CPQ: variants seen among roughly 807,000 people sequenced by gnomAD.
CPQ encodes the protein Ser-Met dipeptidase.
In CPQ, 37 loss-of-function variants were observed where a neutral mutation model predicts 45.7. The observed-to-expected ratio is 0.81, with a 90% CI of 0.62 to 1.07. CPQ has a LOEUF of 1.07. Among genes scored for constraint, CPQ ranks in the 50% least tolerant of loss-of-function variants. CPQ has a pLI of 0.00. For synonymous variants in CPQ, 186 were observed against 205.8 expected, an observed-to-expected ratio of 0.90 and a Z score of 0.82; for missense variants, 537 against 572.9, an observed-to-expected ratio of 0.94 and a Z score of 0.64.
chr8:97,132,093 C>G (rs1381078174), intron 7 of CPQ, among the ~76,000 whole-genome samples: 1 of 152,122 alleles, frequency 6.6e-6, no homozygotes, highest in Non-Finnish European at 1.5e-5. Flanking sequence ...ATTAGTTAGT[C>G]AAGGCTTCTT....
chr8:97,000,957 C>T (rs1238961769), intron 5 of CPQ, among the ~76,000 whole-genome samples: 2 of 152,010 alleles, frequency 1.3e-5, no homozygotes, highest in African/African-American at 4.8e-5. Context: ...TCTTTCAGTT[C>T]CCTAGTTAGC....
At chr8:96,768,908 A>T (rs1372492308) in intron 1 of CPQ, among the ~76,000 whole-genome samples, 1 of 152,230 alleles carries the variant, frequency 6.6e-6, no homozygotes, top group African/African-American at 2.4e-5. Context: ...AGAACTTGTT[A>T]TTAACTAGTT....
chr8:96,717,700 T>G (rs1192058980), intron 1 of CPQ, among the ~76,000 whole-genome samples: 2 of 152,120 alleles, frequency 1.3e-5, no homozygotes, highest in South Asian at 2.1e-4. Context: ...ATCATTTGTG[T>G]TAAGCTACTA....
At chr8:96,747,624 G>A (rs1401379446) in intron 1 of CPQ, among the ~76,000 whole-genome samples, 2 of 152,180 alleles carry the variant, frequency 1.3e-5, no homozygotes, top group African/African-American at 2.4e-5. Context: ...GGAGCCAAAG[G>A]TTCTAATTAT....
intron 4 of CPQ, among the ~76,000 whole-genome samples, chr8:96,894,667 C>A (rs891309753): frequency 6.6e-6 from 1 of 152,102 alleles, no homozygotes; most frequent in African/African-American, 2.4e-5. Context: ...GATAGGAAAG[C>A]AATTAAAACA....
At chr8:96,653,295 T>C (rs1815599203) in intron 1 of CPQ, among the ~76,000 whole-genome samples, 1 of 152,048 alleles carries the variant, frequency 6.6e-6, no homozygotes, top group Non-Finnish European at 1.5e-5. Context: ...CATTGCAGTT[T>C]TGATTTGCAT....
chr8:96,740,705 C>A (rs1479386858), intron 1 of CPQ, among the ~76,000 whole-genome samples: 1 of 152,038 alleles, frequency 6.6e-6, no homozygotes, highest in African/African-American at 2.4e-5. Flanking sequence ...GCCTTTTATG[C>A]ATCTATTGAG....
chr8:97,062,307 A>C (rs537138475), intron 6 of CPQ, among the ~76,000 whole-genome samples: 3 of 152,292 alleles, frequency 2.0e-5, no homozygotes, highest in Admixed American at 1.3e-4. Flanking sequence ...GGACCAAAGT[A>C]ACATGACTTG....
At chr8:96,671,881 C>CTCAAT (rs1809008408) in intron 1 of CPQ, among the ~76,000 whole-genome samples, 1 of 152,018 alleles carries the variant, frequency 6.6e-6, no homozygotes, top group Non-Finnish European at 1.5e-5. Flanking sequence ...AAATTGAAAA[C>CTCAAT]TTGGGGCAAC....
At chr8:97,086,661 C>T (rs1420614360) in intron 7 of CPQ, among the ~76,000 whole-genome samples, 1 of 152,162 alleles carries the variant, frequency 6.6e-6, no homozygotes. Context: ...GGCTGACTTA[C>T]CTGGATTTGT....
intron 6 of CPQ, among the ~76,000 whole-genome samples, chr8:97,030,277 A>C (rs746025001): frequency 2.6e-5 from 4 of 152,142 alleles, no homozygotes; most frequent in Non-Finnish European, 5.9e-5. Flanking sequence ...TTTCCCCTGA[A>C]TGTCCAGATG....
At chr8:96,820,883 C>G (rs773826179) in intron 2 of CPQ, among the ~76,000 whole-genome samples, 5 of 151,856 alleles carry the variant, frequency 3.3e-5, no homozygotes, top group African/African-American at 7.3e-5. Context: ...TTTGAGGAAC[C>G]TTCATACTGT....
chr8:96,849,207 G>T (rs1811739208), intron 3 of CPQ, among the ~76,000 whole-genome samples: 1 of 152,188 alleles, frequency 6.6e-6, no homozygotes, highest in Non-Finnish European at 1.5e-5. Flanking sequence ...ATTAGAGGTT[G>T]TGTTCGCAAT....
intron 7 of CPQ, among the ~76,000 whole-genome samples, chr8:97,104,643 G>A (rs1031038528): frequency 2.0e-5 from 3 of 152,148 alleles, no homozygotes; most frequent in South Asian, 2.1e-4. Context: ...TGTGTCAGCT[G>A]TTATTTTTAG....
chr8:96,683,341 T>G (rs1246798223), intron 1 of CPQ, among the ~76,000 whole-genome samples: 2 of 152,218 alleles, frequency 1.3e-5, no homozygotes, highest in Non-Finnish European at 2.9e-5. Flanking sequence ...TATCATTCCA[T>G]TCTCTTCTGG....
intron 1 of CPQ, among the ~76,000 whole-genome samples, chr8:96,716,912 C>CACACACAT (rs1809681405): frequency 6.6e-6 from 1 of 150,804 alleles, no homozygotes; most frequent in African/African-American, 2.4e-5. Context: ...CCGTCACACA[C>CACACACAT]ACACACATAC....
intron 2 of CPQ, among the ~76,000 whole-genome samples, chr8:96,797,156 C>T (rs1484843388): frequency 2.0e-5 from 3 of 152,158 alleles, no homozygotes; most frequent in Non-Finnish European, 4.4e-5. Context: ...GTCTCTGAAA[C>T]AGCAGAAAAC....
intron 4 of CPQ, among the ~76,000 whole-genome samples, chr8:96,909,387 T>C (rs1010126737): frequency 1.3e-5 from 2 of 152,282 alleles, no homozygotes; most frequent in African/African-American, 4.8e-5. Context: ...AGAGGCTTTC[T>C]ACTTAACACA....
chr8:96,648,216 GA>G, intron 1 of CPQ, among the ~76,000 whole-genome samples: 1 of 152,236 alleles, frequency 6.6e-6, no homozygotes, highest in East Asian at 1.9e-4. Context: ...ACTAAGAGCT[GA>G]TGCCAGTTTG....
Sources: allele counts gnomAD v4.1 joint callset (sites outside exome capture counted in the v4.1 genomes callset), GRCh38; gene constraint gnomAD v4.1.1; transcripts MANE v1.5; gene names NCBI Gene and HGNC (gene_info 2026-07-23, HGNC 2026-07-21).